PFKP: variants seen among roughly 807,000 people sequenced by gnomAD.
PFKP encodes the protein phosphofructokinase, platelet, also known as ATP-dependent 6-phosphofructokinase, platelet type.
PFKP carries 101 observed loss-of-function variants against 94.3 expected under a neutral mutation model. The ratio of observed to expected loss-of-function variants is 1.07; its 90% CI spans 0.91 to 1.26. The LOEUF (loss-of-function observed/expected upper bound fraction) is 1.26. PFKP is among the 50% of genes most tolerant of loss of function. The pLI is 0.00. For missense variants in PFKP, 1,145 were observed against 1,103.3 expected, an observed-to-expected ratio of 1.04 and a Z score of -0.53; for synonymous variants, 573 against 432.6, an observed-to-expected ratio of 1.32 and a Z score of -4.03.
intron 4 of PFKP, among the ~76,000 whole-genome samples, chr10:3,103,497 C>A (rs1484258534): frequency 6.6e-6 from 1 of 152,166 alleles, no homozygotes. Context: ...ATTAAGAAAT[C>A]AGCCAGGCAT....
intron 13 of PFKP, among the ~76,000 whole-genome samples, chr10:3,114,040 T>C (rs199903070): frequency 4.8e-5 from 1 of 20,996 alleles, no homozygotes. Flanking sequence ...AACCGAGGCA[T>C]AGGGCTGGGT....
intron 5 of PFKP, among the ~76,000 whole-genome samples, chr10:3,104,430 A>G (rs1445468824): frequency 6.6e-6 from 1 of 152,236 alleles, no homozygotes. Context: ...AGCAATTTGC[A>G]TGAAAACCAT....
In PFKP at chr10:3,129,702, G is replaced by A. The variant is rs1039907553; in HGVS notation, c.1684-117G>A. 10 of 1,051,812 alleles carry A rather than the reference G, an allele frequency of 9.5e-6. No individual in the cohort carries two copies. The African/African-American group carries it at 1.4e-4, about 15-fold the overall frequency. 65.2% of individuals were successfully genotyped at this position (1,051,812 alleles called of 1,614,324 possible). ...ACCCTTCACCTCTGCGGGATGCTGG[G>A]ACCGCATGTTTGGGCGCGGTGGGGG... is the stretch of plus-strand genomic sequence containing the variant. On this transcript the variant is annotated intron_variant, in intron 16 of 21. Transcript: ENST00000381125.
chr10:3,118,956 G>C (rs3829915), intron 15 of PFKP, 87 bp downstream of exon 15: 332,579 of 946,218 alleles, frequency 0.35, 62,105 homozygotes, highest in East Asian at 0.67. Context: ...TTGGCTACTG[G>C]CCACGATCCG....
intron 16 of PFKP, among the ~76,000 whole-genome samples, chr10:3,121,803 CTTTTTTTTTTTTTT>C (rs759926178): frequency 5.8e-4 from 19 of 32,630 alleles, no homozygotes; most frequent in African/African-American, 1.6e-3. Context: ...CTTTTTTTTT[CTTTTTTTTTTTTTT>C]TTTTTTTTTT....
chr10:3,090,395 TG>T (rs1408197348), intron 2 of PFKP, among the ~76,000 whole-genome samples: 1 of 152,186 alleles, frequency 6.6e-6, no homozygotes, highest in East Asian at 1.9e-4. Flanking sequence ...AGAAAGGACT[TG>T]GAAAAGTCTG....
chr10:3,124,965 C>G (rs1837785022), intron 16 of PFKP: 7 of 698,778 alleles, frequency 1.0e-5, no homozygotes, highest in African/African-American at 2.0e-5. Context: ...CCCTCGGCCC[C>G]TTGACCCGCA....
At chr10:3,117,655 A>G (rs1015765738) in intron 14 of PFKP, among the ~76,000 whole-genome samples, 4 of 152,088 alleles carry the variant, frequency 2.6e-5, no homozygotes, top group African/African-American at 9.7e-5. Context: ...GGCTGTTCTC[A>G]TGAGCTCTGT....
At chr10:3,135,590 C>G (rs189438656) in intron 20 of PFKP, 146 bp from the exon 21 acceptor site, 2 of 581,428 alleles carry the variant, frequency 3.4e-6, no homozygotes, top group Middle Eastern at 2.7e-4. Flanking sequence ...GGCCCCACTG[C>G]GCGGCTGTTC....
chr10:3,098,573 G>C (rs189749702), intron 2 of PFKP, among the ~76,000 whole-genome samples: 24 of 150,032 alleles, frequency 1.6e-4, no homozygotes, highest in African/African-American at 5.9e-4. Flanking sequence ...TGCTCAGGAG[G>C]CTGAGGCAGG....
chr10:3,071,272 A>G (rs578156756), intron 1 of PFKP, among the ~76,000 whole-genome samples: 1 of 152,204 alleles, frequency 6.6e-6, no homozygotes, highest in Admixed American at 6.5e-5. Context: ...AGTAGAGTGT[A>G]TATTATTTAA....
At chr10:3,115,420 CGCCATGGAGG>C (rs1836716336) in intron 13 of PFKP, among the ~76,000 whole-genome samples, 1 of 56,674 alleles carries the variant, frequency 1.8e-5, no homozygotes, top group African/African-American at 3.9e-5. Flanking sequence ...GTGTGTGTCC[CGCCATGGAGG>C]ACAGGACTGG....
At position 3,067,682 on chromosome 10, in the gene PFKP, G is replaced by T; in HGVS notation, c.87G>T (p.Val29=). The change falls in exon 1 of 22, where the codon GTG becomes GTT. Residue 29 remains valine, a synonymous_variant. Coordinates refer to ENST00000381125, the MANE Select transcript of PFKP (RefSeq NM_002627.5). Reference sequence around the variant, plus strand: ...CCGGGGCCGGCAAGGCCATCGGCGTGCTGACCAGCGGCGGGGATGCTCAAG... The same window carrying T: ...CCGGGGCCGGCAAGGCCATCGGCGTTCTGACCAGCGGCGGGGATGCTCAAG... ...HLSGAGKAIG[V]LTSGGDAQGM... 1 of 1,524,912 alleles carries T rather than the reference G, an allele frequency of 6.6e-7. No homozygotes were observed. The allele number at this position is 1,524,912 out of a possible 1,614,324, so 94.5% of individuals were successfully genotyped here.
chr10:3,074,262 C>T (rs980322336), intron 1 of PFKP, among the ~76,000 whole-genome samples: 23 of 152,192 alleles, frequency 1.5e-4, no homozygotes, highest in Admixed American at 2.6e-4. Context: ...TGGTGAGGTG[C>T]GGGTACGACG....
At position 3,136,617 on chromosome 10, in the gene PFKP, CTG is replaced by C. The variant is rs1839396953; in HGVS notation, c.*40_*41del. ...TGCATGTGCCTGCAGCCACCGTGGA[CTG>C]TCTGTTTTTGTAACACTTAAGTTAT... On this transcript the variant is annotated 3_prime_UTR_variant, in exon 22 of 22. Transcript: ENST00000381125. The C allele has an allele frequency of 1.2e-6, 2 of 1,603,852 alleles. No homozygotes were observed. Among genetic ancestry groups the C allele is most frequent in the Non-Finnish European group, 1.7e-6 (2 of 1,172,838 alleles).
At chr10:3,083,284 G>C (rs1325277870) in intron 2 of PFKP, among the ~76,000 whole-genome samples, 1 of 152,296 alleles carries the variant, frequency 6.6e-6, no homozygotes, top group East Asian at 1.9e-4. Flanking sequence ...GTGACTCCCT[G>C]TCTGCCACTT....
chr10:3,114,767 A>T lies in PFKP; in HGVS notation c.1371+1249A>T, dbSNP rs1836622620. On this transcript the variant is annotated intron_variant, in intron 13 of 21. Coordinates refer to ENST00000381125, the MANE Select transcript of PFKP (RefSeq NM_002627.5). ...AGGGGCGGGGGCTCCAAGCCCGCAC[A>T]GGGCAGTGAGGATGGGAACTGCAGG... Among the ~76,000 whole-genome samples, 2 of 152,230 alleles carry T rather than the reference A, an allele frequency of 1.3e-5. 1 individual carries two copies. The highest frequency in any genetic ancestry group is 4.1e-4 in the South Asian group (2 of 4,834).
At chr10:3,129,709 T>G (rs1169702923) in intron 16 of PFKP, 110 bp from the exon 17 acceptor site, 3 of 1,158,566 alleles carry the variant, frequency 2.6e-6, no homozygotes, top group East Asian at 2.4e-5. Flanking sequence ...TGGGACCGCA[T>G]GTTTGGGCGC....
chr10:3,128,097 G>GGACT (rs1321089391), intron 16 of PFKP, among the ~76,000 whole-genome samples: 1 of 61,100 alleles, frequency 1.6e-5, no homozygotes, highest in Non-Finnish European at 5.2e-5. Context: ...CCGTTGACCA[G>GGACT]GACGGACGGA....
Sources: allele counts gnomAD v4.1 joint callset (sites outside exome capture counted in the v4.1 genomes callset), GRCh38; gene constraint gnomAD v4.1.1; transcripts MANE v1.5; gene names NCBI Gene and HGNC (gene_info 2026-07-23, HGNC 2026-07-21).